Variants in B4GALT6 observed in about 807,000 individuals in gnomAD.
B4GALT6 encodes the protein beta-1,4-galactosyltransferase 6.
In B4GALT6, 14 loss-of-function variants were observed where a neutral mutation model predicts 46.3. The observed-to-expected ratio is 0.30, with a 90% CI of 0.20 to 0.47. The LOEUF is 0.47. Ranked by LOEUF, B4GALT6 falls within the 20% of genes least tolerant of loss-of-function variation. The pLI, the probability that B4GALT6 is intolerant of heterozygous loss-of-function variation, is 0.99. For missense variants in B4GALT6, 386 were observed against 480.1 expected (o/e 0.80, Z 1.83); for synonymous variants, 168 against 162.0 (o/e 1.04, Z -0.28).
chr18:31,690,534 A>G (rs1466850075), upstream of B4GALT6, among the ~76,000 whole-genome samples: 1 of 150,506 alleles, frequency 6.6e-6, no homozygotes, highest in Non-Finnish European at 1.5e-5. Flanking sequence ...CAATGTCACT[A>G]TCTTGGCTCA....
At chr18:31,653,687 C>A (rs924000617) in intron 3 of B4GALT6, among the ~76,000 whole-genome samples, 8 of 151,816 alleles carry the variant, frequency 5.3e-5, no homozygotes, top group Non-Finnish European at 1.0e-4. Flanking sequence ...CCTCAAGTAA[C>A]CCACCTGCCT....
chr18:31,663,461 T>C (rs955449204), intron 2 of B4GALT6, among the ~76,000 whole-genome samples: 3 of 152,236 alleles, frequency 2.0e-5, no homozygotes, highest in Non-Finnish European at 4.4e-5. Context: ...GTGGGCTACA[T>C]GGCACCATCT....
chr18:31,649,575 CAAA>C (rs66578099), intron 3 of B4GALT6, among the ~76,000 whole-genome samples: 31,742 of 102,410 alleles, frequency 0.31, 3,669 homozygotes, highest in Middle Eastern at 0.36. Context: ...AAAAAATGAG[CAAA>C]AAAAAAAAAA....
chr18:31,675,589 A>G (rs572392242), intron 1 of B4GALT6, among the ~76,000 whole-genome samples: 4 of 152,340 alleles, frequency 2.6e-5, no homozygotes, highest in South Asian at 2.1e-4. Flanking sequence ...AATAATAACT[A>G]TATAGCTTTT....
At chr18:31,715,362 A>T in the B4GALT6 span, among the ~76,000 whole-genome samples, 1 of 151,992 alleles carries the variant, frequency 6.6e-6, no homozygotes, top group Non-Finnish European at 1.5e-5. Flanking sequence ...AGTAGCTGGG[A>T]CTACAGGCAT....
chr18:31,647,243 A>G (rs942083776), intron 3 of B4GALT6, among the ~76,000 whole-genome samples: 3 of 152,190 alleles, frequency 2.0e-5, no homozygotes, highest in African/African-American at 7.2e-5. Flanking sequence ...GCACTGTTAA[A>G]CCACATTTTT....
At chr18:31,683,937 A>T (rs981674451) in intron 1 of B4GALT6, among the ~76,000 whole-genome samples, 1 of 152,154 alleles carries the variant, frequency 6.6e-6, no homozygotes, top group Non-Finnish European at 1.5e-5. Context: ...TATACCCGAG[A>T]GTGTTTGAAT....
At chr18:31,651,629 G>A (rs190256933) in intron 3 of B4GALT6, among the ~76,000 whole-genome samples, 13 of 152,086 alleles carry the variant, frequency 8.5e-5, no homozygotes, top group African/African-American at 2.2e-4. Context: ...AATAAACCGC[G>A]GGCTTCCTCA....
rs116868544 is a variant in B4GALT6 at position 31,625,178 on chromosome 18, G to A, written c.*436C>T. On this transcript the variant is annotated 3_prime_UTR_variant, in exon 9 of 9. Coordinates refer to ENST00000306851, the MANE Select transcript of B4GALT6 (RefSeq NM_004775.5). ...AGTTTTTTTCATGCAAATAAAAAAT[G>A]TCTATAAAAGTCCAATAAAGGTATA... 1,290 of 154,082 alleles carry A rather than the reference G, an allele frequency of 8.4e-3. 30 individuals are homozygous for A. The East Asian group carries it at 0.097, about 12-fold the overall frequency. The allele number at this position is 154,082 out of a possible 1,614,324, so 9.5% of individuals were successfully genotyped here. A position where few individuals can be genotyped will look rare whatever the true frequency, so the allele number is the denominator to read the frequency against.
chr18:31,682,825 T>C (rs2074495895), intron 1 of B4GALT6, among the ~76,000 whole-genome samples: 1 of 152,106 alleles, frequency 6.6e-6, no homozygotes, highest in Non-Finnish European at 1.5e-5. Context: ...AAAGTAAAAA[T>C]TGCTATAGAA....
At chr18:31,636,017 A>G (rs1567961211) in intron 5 of B4GALT6, among the ~76,000 whole-genome samples, 1 of 152,246 alleles carries the variant, frequency 6.6e-6, no homozygotes, top group Non-Finnish European at 1.5e-5. Flanking sequence ...ACCTGCATAC[A>G]TATGACGTGT....
At chr18:31,682,558 T>C (rs2074492206) in intron 1 of B4GALT6, among the ~76,000 whole-genome samples, 1 of 152,202 alleles carries the variant, frequency 6.6e-6, no homozygotes, top group Admixed American at 6.5e-5. Flanking sequence ...TTATTAGTGT[T>C]TCACACAAGT....
Position 31,684,497 on chromosome 18 carries a change from A to ACTTC in B4GALT6, c.-75_-72dup. 1 of 1,566,624 alleles carries ACTTC rather than the reference A, an allele frequency of 6.4e-7. No individual in the cohort carries two copies. Among genetic ancestry groups the ACTTC allele is most frequent in the South Asian group, 1.2e-5 (1 of 86,268 alleles). ...CTCGGGGCCACTGTCCAGGCCCTAA[A>ACTTC]CTTCCATAAATGTGCTGAGAACCCC... On this transcript the variant is annotated 5_prime_UTR_variant, in exon 1 of 9. It removes the in-frame stop codon of an upstream open reading frame in the 5' UTR. Transcript: ENST00000306851.
chr18:31,638,550 A>G, intron 5 of B4GALT6, 94 bp downstream of exon 5: 2 of 1,086,876 alleles, frequency 1.8e-6, no homozygotes, highest in Non-Finnish European at 2.7e-6. Flanking sequence ...TAAGAATCAG[A>G]CTTACCTTAT....
At chr18:31,681,106 C>A (rs1326194953) in intron 1 of B4GALT6, among the ~76,000 whole-genome samples, 1 of 31,640 alleles carries the variant, frequency 3.2e-5, no homozygotes, top group Non-Finnish European at 9.6e-5. Context: ...AGTCATCTAT[C>A]TTCCATACCT....
chr18:31,630,549 T>A (rs1371332111), intron 6 of B4GALT6, among the ~76,000 whole-genome samples: 1 of 152,058 alleles, frequency 6.6e-6, no homozygotes, highest in Non-Finnish European at 1.5e-5. Flanking sequence ...AGATGAGTTA[T>A]GCACCTACCA....
At chr18:31,686,009 C>T (rs890131143), upstream of B4GALT6, 1 of 152,262 alleles carries the variant, frequency 6.6e-6, no homozygotes, top group Admixed American at 6.5e-5. Flanking sequence ...GCGCCTCAGC[C>T]CCATCTTGCT....
At chr18:31,673,927 CACACACACACAG>C (rs2074386792) in intron 1 of B4GALT6, among the ~76,000 whole-genome samples, 2 of 151,808 alleles carry the variant, frequency 1.3e-5, no homozygotes, top group Non-Finnish European at 1.5e-5. Context: ...CTCTCACAGA[CACACACACACAG>C]ACACACACAC....
chr18:31,662,625 A>C (rs982851143), intron 2 of B4GALT6, among the ~76,000 whole-genome samples: 1 of 152,192 alleles, frequency 6.6e-6, no homozygotes, highest in African/African-American at 2.4e-5. Flanking sequence ...GTGGACCACA[A>C]GGTCAGGAGA....
Sources: gnomAD v4.1 joint callset for allele counts (sites outside exome capture counted in the v4.1 genomes callset) on GRCh38, gnomAD v4.1.1 for gene constraint, MANE v1.5 for transcripts, NCBI Gene and HGNC (gene_info 2026-07-23, HGNC 2026-07-21) for gene names.